The following GVQW3 variants were observed in gnomAD, a reference collection of about 807,000 sequenced individuals.
The protein encoded by GVQW3 is GVQW motif containing 3.
A neutral mutation model predicts 12.5 loss-of-function variants in GVQW3; 7 were observed. The ratio of observed to expected loss-of-function variants is 0.56; its 90% confidence interval spans 0.32 to 1.05. The LOEUF (loss-of-function observed/expected upper bound fraction) is 1.05, where lower values mean the gene tolerates loss of function less well. GVQW3 is among the 50% of genes least tolerant of loss of function. The probability of loss-of-function intolerance (pLI) is 0.04; values close to 1 mark genes in which losing one functional copy is unlikely to be tolerated. For synonymous variants in GVQW3, 71 were observed against 67.2 expected (o/e 1.06, Z -0.28); for missense variants, 188 against 190.8 (o/e 0.99, Z 0.09).
intron 1 of GVQW3, among the ~76,000 whole-genome samples, chr11:76,394,271 T>C (rs1946920069): frequency 6.6e-6 from 1 of 152,124 alleles, no homozygotes; most frequent in Non-Finnish European, 1.5e-5. Flanking sequence ...AAATATTAGA[T>C]CTTGTCCATT....
rs1466931301 is a variant in GVQW3, at chr11:76,391,465, C to T, written c.465+9172C>T. On this transcript the variant is annotated intron_variant, in intron 1 of 1. Transcript: ENST00000529331. The stretch of plus-strand genomic sequence containing the variant: ...AGTATTAGAAGGAAACTGCCTACTG[C>T]ATTATTTATGGGAGACCAGGGCATT... Among the ~76,000 whole-genome samples the T allele has an allele frequency of 2.6e-5, 4 of 152,194 alleles. No homozygotes were observed. In the East Asian group the frequency reaches 7.7e-4, roughly 29 times the overall value.
In GVQW3 at chr11:76,381,946, A is replaced by C; in HGVS notation, c.118A>C (p.Arg40=). ...AGCTTATGGGGATGAAGTCATGTCA[A>C]GGGCCAGAGTTTTTGACTGGCACAA... ...KEAYGDEVMS[R]ARVFDWHKRF... The change falls in exon 1 of 2, where the codon AGG becomes CGG. Residue 40 remains arginine, a synonymous_variant. Transcript: ENST00000529331. 1.3e-6 allele frequency: 2 copies of C among 1,536,440 alleles called. No homozygotes were observed. Among genetic ancestry groups the C allele is most frequent in the Non-Finnish European group, 1.7e-6 (2 of 1,146,986 alleles).
rs1056985237 is a variant in GVQW3 at position 76,381,789 on chromosome 11, T to A, written c.-40T>A. The A allele has an allele frequency of 6.8e-7, 1 of 1,480,064 alleles. No individual in the cohort carries two copies. Among genetic ancestry groups the A allele is most frequent in the African/African-American group, 1.4e-5 (1 of 71,180 alleles). 91.7% of individuals were successfully genotyped at this position (1,480,064 alleles called of 1,614,324 possible). On this transcript the variant is annotated 5_prime_UTR_variant, in exon 1 of 2. Transcript: ENST00000529331. ...TGATCTGTCCGTCTTTCCCTTACAG[T>A]CGTGGCCTGTTAAACGTTCCTGTGT...
At chr11:76,391,701 C>G (rs1208176950) in intron 1 of GVQW3, among the ~76,000 whole-genome samples, 1 of 152,212 alleles carries the variant, frequency 6.6e-6, no homozygotes, top group Non-Finnish European at 1.5e-5. Context: ...TACCTGTAAT[C>G]TCAGCACTTT....
chr11:76,409,779 G>A (rs954257904), downstream of GVQW3, among the ~76,000 whole-genome samples: 3 of 152,164 alleles, frequency 2.0e-5, no homozygotes, highest in African/African-American at 7.2e-5. Flanking sequence ...GATCAGTAAT[G>A]GTTTGTTCCT....
At chr11:76,384,430 C>T (rs1411345805) in intron 1 of GVQW3, among the ~76,000 whole-genome samples, 1 of 152,244 alleles carries the variant, frequency 6.6e-6, no homozygotes. Flanking sequence ...TCAAGTGTTT[C>T]TCCTGACTCA....
chr11:76,406,726 G>A lies in GVQW3; in HGVS notation c.*2968G>A, dbSNP rs1393764561. 6 of 152,152 alleles carry A rather than the reference G, an allele frequency of 3.9e-5. No homozygotes were observed. Among genetic ancestry groups the A allele is most frequent in the African/African-American group, 7.2e-5 (3 of 41,444 alleles). 9.4% of individuals were successfully genotyped at this position (152,152 alleles called of 1,614,324 possible). A position where few individuals can be genotyped will look rare whatever the true frequency, so the allele number is the denominator to read the frequency against. On this transcript the variant is annotated 3_prime_UTR_variant, in exon 2 of 2. Transcript: ENST00000529331. ...GAAGCACTGTTTAAATAAATATGCC[G>A]GGCCAGGCGTGGTGGCTCACGCCTG...
At chr11:76,385,008 T>G (rs1269839779) in intron 1 of GVQW3, among the ~76,000 whole-genome samples, 1 of 152,094 alleles carries the variant, frequency 6.6e-6, no homozygotes, top group Admixed American at 6.5e-5. Context: ...TAAACAGAGG[T>G]CCTGAGACAA....
chr11:76,413,397 C>T (rs1169019260), exon 2 of GVQW3: 1 of 152,166 alleles, frequency 6.6e-6, no homozygotes, highest in Non-Finnish European at 1.5e-5. Flanking sequence ...GCTTCGACCG[C>T]TCTGCCATCA....
chr11:76,397,121 A>G (rs2134553889), intron 1 of GVQW3, among the ~76,000 whole-genome samples: 1 of 145,866 alleles, frequency 6.9e-6, no homozygotes, highest in East Asian at 2.1e-4. Flanking sequence ...CTCCTGCCTT[A>G]GCCTCCCGAG....
chr11:76,402,882 T>G (rs2134561976), intron 1 of GVQW3, among the ~76,000 whole-genome samples: 1 of 151,850 alleles, frequency 6.6e-6, no homozygotes, highest in South Asian at 2.1e-4. Context: ...TATTTTTTTG[T>G]AGAGATAGAA....
chr11:76,401,511 C>G (rs191841815), intron 1 of GVQW3, among the ~76,000 whole-genome samples: 1 of 151,992 alleles, frequency 6.6e-6, no homozygotes, highest in Non-Finnish European at 1.5e-5. Flanking sequence ...TGGTGGCTCA[C>G]GCCTGTAGTC....
Position 76,404,897 on chromosome 11 carries a change from C to T in GVQW3, c.*1139C>T, listed in dbSNP as rs1947024603. ...TGAGTCTAACTGAAGAAAAAGAAGG[C>T]ATTTCAAGTCTCTATAGGTTGGGGA... On this transcript the variant is annotated 3_prime_UTR_variant, in exon 2 of 2. Coordinates refer to ENST00000529331, the MANE Select transcript of GVQW3 (RefSeq NM_001347885.2). 1 of 152,260 alleles carries T rather than the reference C, an allele frequency of 6.6e-6. No homozygotes were observed. The highest frequency in any genetic ancestry group is 2.4e-5 in the African/African-American group (1 of 41,454). 9.4% of individuals were successfully genotyped at this position (152,260 alleles called of 1,614,324 possible).
chr11:76,398,135 A>G (rs1303837650), intron 1 of GVQW3, among the ~76,000 whole-genome samples: 1 of 56,494 alleles, frequency 1.8e-5, no homozygotes, highest in East Asian at 8.1e-4. Flanking sequence ...ACTGTGTCTC[A>G]AAAAAAAAAA....
intron 1 of GVQW3, among the ~76,000 whole-genome samples, chr11:76,399,653 G>A (rs933249828): frequency 1.3e-5 from 2 of 152,220 alleles, no homozygotes; most frequent in East Asian, 1.9e-4. Flanking sequence ...CTAATAATGC[G>A]AGCAGGCCTC....
chr11:76,395,272 A>G (rs1946929392), intron 1 of GVQW3, among the ~76,000 whole-genome samples: 1 of 152,220 alleles, frequency 6.6e-6, no homozygotes, highest in Non-Finnish European at 1.5e-5. Context: ...AGGAAACCCT[A>G]TACTCATTAA....
chr11:76,394,761 C>A (rs1310016351), intron 1 of GVQW3, among the ~76,000 whole-genome samples: 1 of 152,178 alleles, frequency 6.6e-6, no homozygotes, highest in Non-Finnish European at 1.5e-5. Flanking sequence ...TTTGCAGAAC[C>A]TTCAAACTGT....
chr11:76,393,010 T>A (rs917102222), intron 1 of GVQW3: 73 of 152,304 alleles, frequency 4.8e-4, no homozygotes, highest in African/African-American at 1.8e-3. Flanking sequence ...TAAACCCCAG[T>A]CTTATGTTTC....
At chr11:76,395,778 T>G (rs1297221681) in intron 1 of GVQW3, among the ~76,000 whole-genome samples, 1 of 152,234 alleles carries the variant, frequency 6.6e-6, no homozygotes, top group Non-Finnish European at 1.5e-5. Context: ...GATAATAGTT[T>G]TAATGACCTT....
Sources: allele counts gnomAD v4.1 joint callset (sites outside exome capture counted in the v4.1 genomes callset), GRCh38; gene constraint gnomAD v4.1.1; transcripts MANE v1.5; gene names NCBI Gene and HGNC (gene_info 2026-07-23, HGNC 2026-07-21).